HCRTR2: variants seen among roughly 807,000 people sequenced by gnomAD.
The protein encoded by HCRTR2 is orexin receptor type 2.
Under a neutral mutation model 49.0 loss-of-function variants are expected in HCRTR2, and 22 were observed. The observed-to-expected ratio is 0.45, with a 90% CI of 0.32 to 0.64. The LOEUF (loss-of-function observed/expected upper bound fraction) is 0.64. Ranked by LOEUF, HCRTR2 falls within the 30% of genes least tolerant of loss-of-function variation. The pLI is 0.04. For synonymous variants in HCRTR2, 236 were observed against 205.3 expected (o/e 1.15, Z -1.28); for missense variants, 491 against 559.4 (o/e 0.88, Z 1.23).
At chr6:55,155,288 G>A (rs908929824) in intron 1 of HCRTR2, among the ~76,000 whole-genome samples, 1 of 151,760 alleles carries the variant, frequency 6.6e-6, no homozygotes, top group South Asian at 2.1e-4. Flanking sequence ...GTGTTAGAAT[G>A]GATTTCCTTT....
At chr6:55,135,107 A>C (rs1407321692) in intron 1 of HCRTR2, among the ~76,000 whole-genome samples, 1 of 152,060 alleles carries the variant, frequency 6.6e-6, no homozygotes, top group East Asian at 1.9e-4. Context: ...ATGAGGAATT[A>C]ATGAAATGGC....
intron 1 of HCRTR2, among the ~76,000 whole-genome samples, chr6:55,193,438 G>GTTTTT (rs1348549122): frequency 6.6e-6 from 1 of 152,032 alleles, no homozygotes; most frequent in East Asian, 1.9e-4. Context: ...AGGGCATAAA[G>GTTTTT]GAGCTAAACC....
intron 4 of HCRTR2, among the ~76,000 whole-genome samples, chr6:55,269,083 G>A (rs575861319): frequency 2.0e-3 from 240 of 118,544 alleles, no homozygotes; most frequent in African/African-American, 7.8e-3. Flanking sequence ...GCAAGACTCC[G>A]TCTCAAAAAA....
intron 1 of HCRTR2, among the ~76,000 whole-genome samples, chr6:55,140,347 T>C (rs1381444363): frequency 6.6e-6 from 1 of 152,172 alleles, no homozygotes; most frequent in Non-Finnish European, 1.5e-5. Context: ...TTTAGTCTAT[T>C]AGGGTCCTTT....
intron 1 of HCRTR2, among the ~76,000 whole-genome samples, chr6:55,221,940 C>CA (rs1328799029): frequency 1.3e-5 from 2 of 151,066 alleles, no homozygotes; most frequent in African/African-American, 2.4e-5. Flanking sequence ...GTAAAAGCAA[C>CA]AAAAAATAGA....
At chr6:55,247,910 C>G (rs574830598) in intron 1 of HCRTR2, among the ~76,000 whole-genome samples, 1 of 152,186 alleles carries the variant, frequency 6.6e-6, no homozygotes, top group Non-Finnish European at 1.5e-5. Context: ...CTCATTTTCA[C>G]CAAAGAAGGC....
At chr6:55,168,215 G>A (rs950409372) in intron 1 of HCRTR2, among the ~76,000 whole-genome samples, 3 of 152,160 alleles carry the variant, frequency 2.0e-5, no homozygotes, top group African/African-American at 7.2e-5. Context: ...GAAGGAGATT[G>A]ATTCTCTTTG....
At chr6:55,248,950 A>G (rs916371057) in intron 2 of HCRTR2, 133 bp downstream of exon 2, 4 of 767,888 alleles carry the variant, frequency 5.2e-6, no homozygotes, top group Non-Finnish European at 8.8e-6. Flanking sequence ...GGAAAATAAT[A>G]CTTGAGAATT....
intron 1 of HCRTR2, among the ~76,000 whole-genome samples, chr6:55,163,191 C>G (rs148969827): frequency 6.6e-6 from 1 of 151,896 alleles, no homozygotes; most frequent in Non-Finnish European, 1.5e-5. Flanking sequence ...GAGCCAAGAT[C>G]CTGTCACTGC....
rs115613104 is a variant in HCRTR2, at chr6:55,234,885, G to A, written c.224-13754G>A. 1.1e-3 allele frequency among the ~76,000 whole-genome samples: 164 copies of A among 152,188 alleles called. 3 individuals are homozygous for A. The highest frequency in any genetic ancestry group is 3.8e-3 in the African/African-American group (158 of 41,540). ...AATTTGCACATATGTGTCAGAAGAC[G>A]TACATAAGAATGTTAGTAACAGCCC... On this transcript the variant is annotated intron_variant, in intron 1 of 6. Transcript: ENST00000370862.
At chr6:55,259,456 T>G (rs1766714277) in intron 3 of HCRTR2, among the ~76,000 whole-genome samples, 1 of 152,096 alleles carries the variant, frequency 6.6e-6, no homozygotes, top group Admixed American at 6.6e-5. Flanking sequence ...TTTAATTTAC[T>G]TGTTCATTCA....
intron 1 of HCRTR2, among the ~76,000 whole-genome samples, chr6:55,212,309 T>G (rs1354975442): frequency 1.3e-5 from 2 of 152,180 alleles, no homozygotes; most frequent in Non-Finnish European, 2.9e-5. Context: ...TAACTACACA[T>G]TCCATTCCCC....
chr6:55,224,484 A>G (rs1161202970), intron 1 of HCRTR2, among the ~76,000 whole-genome samples: 3 of 152,098 alleles, frequency 2.0e-5, no homozygotes, highest in South Asian at 2.1e-4. Context: ...TTAGCCGGGC[A>G]TGGTGGTGGG....
intron 1 of HCRTR2, among the ~76,000 whole-genome samples, chr6:55,225,509 G>T (rs1765986331): frequency 6.6e-6 from 1 of 152,190 alleles, no homozygotes; most frequent in Non-Finnish European, 1.5e-5. Flanking sequence ...GGCAAAGCAT[G>T]TAACTCCACA....
chr6:55,225,076 A>G (rs1286620156), intron 1 of HCRTR2, among the ~76,000 whole-genome samples: 1 of 152,192 alleles, frequency 6.6e-6, no homozygotes, highest in Non-Finnish European at 1.5e-5. Context: ...GCCATTCCAC[A>G]ATGTATACAT....
At position 55,255,244 on chromosome 6, in the gene HCRTR2, A is replaced by G; in HGVS notation, c.511A>G (p.Asn171Asp). Residue 171 changes from asparagine to aspartate, a missense_variant, in exon 3 of 7, where the codon AAC (asparagine) becomes GAC (aspartate). Physicochemically the swap from Asn to Asp is conservative, Grantham distance 23. Transcript: ENST00000370862. ...MFKSTAKRAR[N>D]SIVIIWIVSC... ...TAAGAGCACAGCAAAGCGGGCCCGT[A>G]ACAGCATTGTCATCATCTGGATTGT... 6.2e-7 allele frequency: 1 copy of G among 1,614,064 alleles called. No homozygotes were observed. Among genetic ancestry groups the G allele is most frequent in the Non-Finnish European group, 8.5e-7 (1 of 1,179,980 alleles).
chr6:55,222,402 T>G (rs1358626517), intron 1 of HCRTR2, among the ~76,000 whole-genome samples: 2 of 151,554 alleles, frequency 1.3e-5, no homozygotes, highest in Admixed American at 1.3e-4. Context: ...AAATTAAAAA[T>G]AAAACTATAC....
intron 1 of HCRTR2, among the ~76,000 whole-genome samples, chr6:55,138,162 A>T (rs78302451): frequency 0.025 from 3,875 of 152,160 alleles, 65 homozygotes; most frequent in Middle Eastern, 0.058. Flanking sequence ...AAAATAAATT[A>T]AAAAAAAGAA....
intron 1 of HCRTR2, among the ~76,000 whole-genome samples, chr6:55,177,953 G>T (rs1251706318): frequency 6.6e-6 from 1 of 152,156 alleles, no homozygotes; most frequent in Non-Finnish European, 1.5e-5. Flanking sequence ...ATAGGGTAAG[G>T]TTCTTTTTGG....
Sources: allele counts gnomAD v4.1 joint callset (sites outside exome capture counted in the v4.1 genomes callset), GRCh38; gene constraint gnomAD v4.1.1; transcripts MANE v1.5; gene names NCBI Gene and HGNC (gene_info 2026-07-23, HGNC 2026-07-21).